ARRDC2: variants seen among roughly 807,000 people sequenced by gnomAD.
ARRDC2 encodes arrestin domain containing 2.
In ARRDC2, 39 loss-of-function variants were observed where a neutral mutation model predicts 38.9. The observed-to-expected ratio is 1.00, with a 90% CI of 0.78 to 1.31. The LOEUF (loss-of-function observed/expected upper bound fraction) is 1.31, where lower values mean the gene tolerates loss of function less well. Ranked by LOEUF, ARRDC2 falls within the 50% of genes most tolerant of loss-of-function variation. The pLI is 0.00. For missense variants in ARRDC2, 553 were observed against 588.4 expected (o/e 0.94, Z 0.62); for synonymous variants, 300 against 261.9 (o/e 1.15, Z -1.41).
At chr19:18,007,608 C>A (rs1047771130), upstream of ARRDC2, 2 of 153,476 alleles carry the variant, frequency 1.3e-5, no homozygotes, top group Non-Finnish European at 2.9e-5. Flanking sequence ...ACTGAGGCTC[C>A]AAGAGGTTGT....
In ARRDC2 at chr19:18,012,978, A is replaced by G. The variant is rs374886462; in HGVS notation, c.*12A>G. 8 of 1,613,284 alleles carry G rather than the reference A, an allele frequency of 5.0e-6. No homozygotes were observed. The African/African-American group carries it at 1.1e-4, about 22-fold the overall frequency. ...GCATGACTTGCTGAACGGCACAGGG[A>G]CCCCTCGAGGAACAAGGTTGCACAC... On this transcript the variant is annotated 3_prime_UTR_variant, in exon 8 of 8. Transcript: ENST00000222250.
In ARRDC2 at chr19:18,012,814, G is replaced by A. The variant is rs2033440122; in HGVS notation, c.1171-99G>A. 8.4e-6 allele frequency: 11 copies of A among 1,302,386 alleles called. 1 individual carries two copies. The South Asian group carries it at 1.4e-4, about 17-fold the overall frequency. 80.7% of individuals were successfully genotyped at this position (1,302,386 alleles called of 1,614,324 possible). A position where few individuals can be genotyped will look rare whatever the true frequency, so the allele number is the denominator to read the frequency against. On this transcript the variant is annotated intron_variant, in intron 7 of 7. Transcript: ENST00000222250. ...ACCACCTCCTGATGGCCTCATCCCTGGTCAAGGGCGGGAGTTGGGAGATGG... is the reference window on the plus strand; with the variant it reads ...ACCACCTCCTGATGGCCTCATCCCTAGTCAAGGGCGGGAGTTGGGAGATGG...
Position 18,008,491 on chromosome 19 carries a change from G to A in ARRDC2, c.181G>A (p.Glu61Lys). Residue 61 changes from glutamate to lysine, a missense_variant, in exon 1 of 8, where the codon GAG becomes AAG. This residue lies in a region of ARRDC2 where 447 missense variants were observed against 456.6 expected (regional missense o/e 0.98). Coordinates refer to ENST00000222250, the MANE Select transcript of ARRDC2 (RefSeq NM_015683.2). ...GGGCCGCGCCCACGTGCACTGGACC[G>A]AGTCGCGCAGCGCGGGCTCGAGCAC... The part of the protein sequence containing the change: ...ARGRAHVHWT[E>K]SRSAGSSTAY... The A allele has an allele frequency of 1.3e-6, 2 of 1,529,178 alleles. No homozygotes were observed. Among genetic ancestry groups the A allele is most frequent in the Non-Finnish European group, 1.7e-6 (2 of 1,144,842 alleles). The allele number at this position is 1,529,178 out of a possible 1,614,324, so 94.7% of individuals were successfully genotyped here. A position where few individuals can be genotyped will look rare whatever the true frequency, so the allele number is the denominator to read the frequency against.
chr19:18,007,858 G>A, upstream of ARRDC2: 1 of 223,270 alleles, frequency 4.5e-6, no homozygotes, highest in South Asian at 5.2e-5. Flanking sequence ...TGATTAAGCC[G>A]AGAGGCTGAA....
chr19:18,004,648 C>T (rs1399512798), upstream of ARRDC2, among the ~76,000 whole-genome samples: 1 of 151,388 alleles, frequency 6.6e-6, no homozygotes, highest in East Asian at 2.0e-4. Context: ...AAGATGGTGC[C>T]ACTGCACTAC....
chr19:18,001,356 G>C, exon 1 of ARRDC2: 1 of 1,195,866 alleles, frequency 8.4e-7, no homozygotes, highest in African/African-American at 1.6e-5. Flanking sequence ...TGGAGCTGGC[G>C]CGGGGCCCGG....
At chr19:18,008,653 G>A in intron 1 of ARRDC2, 58 bp from the exon 2 acceptor site, 5 of 1,605,584 alleles carry the variant, frequency 3.1e-6, no homozygotes, top group East Asian at 2.2e-5. Context: ...CGGTACCTCC[G>A]TCAGCCCTGG....
Position 18,008,725 on chromosome 19 carries a change from A to G in ARRDC2, c.289A>G (p.Thr97Ala). ...TLLAPDTGET[T>A]TLPPGRHEFL... ...CCTACCTGCAGATACCGGGGAGACC[A>G]CGACGCTGCCTCCTGGGCGCCATGA... Residue 97 changes from threonine to alanine, a missense_variant, in exon 2 of 8, where the codon ACG becomes GCG. By Grantham distance (58) the Thr-to-Ala change is moderately conservative. Coordinates refer to ENST00000222250, the MANE Select transcript of ARRDC2 (RefSeq NM_015683.2). 6.2e-7 allele frequency: 1 copy of G among 1,613,446 alleles called. No homozygotes were observed. Among genetic ancestry groups the G allele is most frequent in the Non-Finnish European group, 8.5e-7 (1 of 1,179,994 alleles).
chr19:18,009,746 G>A (rs374974722), intron 4 of ARRDC2, 37 bp from the exon 5 acceptor site: 284 of 1,612,744 alleles, frequency 1.8e-4, no homozygotes, highest in Non-Finnish European at 2.2e-4. Flanking sequence ...TGGGGTTGCA[G>A]GAGGGGAAAC....
chr19:18,001,605 G>A (rs2033188299), intron 1 of ARRDC2: 1 of 1,300,356 alleles, frequency 7.7e-7, no homozygotes. Flanking sequence ...CCCCGCAGCA[G>A]CCGGGACCCC....
At chr19:18,006,633 GGGGAGAGGGAGA>G (rs147340744), upstream of ARRDC2, among the ~76,000 whole-genome samples, 3 of 151,888 alleles carry the variant, frequency 2.0e-5, no homozygotes, top group Admixed American at 6.6e-5. Context: ...GGGAGACCAA[GGGGAGAGGGAGA>G]GGGAGAGGGA....
At chr19:18,011,952 A>ATATATAT (rs1408676551) in intron 7 of ARRDC2, among the ~76,000 whole-genome samples, 1 of 100,750 alleles carries the variant, frequency 9.9e-6, no homozygotes, top group African/African-American at 4.3e-5. Context: ...ATATATATAT[A>ATATATAT]TTTTTTTTTT....
chr19:18,003,479 G>A (rs1475249654), upstream of ARRDC2, among the ~76,000 whole-genome samples: 1 of 150,858 alleles, frequency 6.6e-6, no homozygotes, highest in Admixed American at 6.6e-5. Flanking sequence ...TTCTGAGACA[G>A]AGTCTCACTC....
In ARRDC2 at chr19:18,008,719, G is replaced by A; in HGVS notation, c.283G>A (p.Glu95Lys). The A allele has an allele frequency of 6.2e-7, 1 of 1,613,376 alleles. No homozygotes were observed. The highest frequency in any genetic ancestry group is 8.5e-7 in the Non-Finnish European group (1 of 1,179,994). Residue 95 changes from glutamate (E) to lysine (K), a missense_variant, in exon 2 of 8, where the codon GAG becomes AAG. Glu to Lys is a moderately conservative substitution (Grantham distance 56). Transcript: ENST00000222250. Reference protein sequence around the residue: ...RATLLAPDTGETTTLPPGRHE... With the variant: ...RATLLAPDTGKTTTLPPGRHE... ...TTTTCTCCTACCTGCAGATACCGGG[G>A]AGACCACGACGCTGCCTCCTGGGCG...
At chr19:18,012,050 G>A (rs2033426086) in intron 7 of ARRDC2, among the ~76,000 whole-genome samples, 1 of 143,644 alleles carries the variant, frequency 7.0e-6, no homozygotes, top group East Asian at 2.1e-4. Flanking sequence ...TCCACCTCCC[G>A]GGTTCAAGCA....
chr19:18,009,495 C>T, intron 3 of ARRDC2, 97 bp from the exon 4 acceptor site: 2 of 1,150,322 alleles, frequency 1.7e-6, no homozygotes, highest in East Asian at 2.4e-5. Flanking sequence ...AAGCCCTGCC[C>T]AAAGTCCTCC....
intron 2 of ARRDC2, 95 bp from the exon 3 acceptor site, chr19:18,008,876 C>CT: frequency 1.3e-6 from 2 of 1,595,528 alleles, no homozygotes; most frequent in Non-Finnish European, 1.7e-6. Context: ...CCCCAAGACT[C>CT]TCCCCCTGGG....
chr19:18,007,015 AGGGTGACCGT>A (rs2033293555), upstream of ARRDC2, among the ~76,000 whole-genome samples: 1 of 102,244 alleles, frequency 9.8e-6, no homozygotes, highest in East Asian at 2.8e-4. Context: ...TCACGGGCTG[AGGGTGACCGT>A]GTTTGTTTAT....
At chr19:18,009,510 G>C (rs2033359332) in intron 3 of ARRDC2, 82 bp from the exon 4 acceptor site, 2 of 1,297,438 alleles carry the variant, frequency 1.5e-6, no homozygotes, top group Non-Finnish European at 2.1e-6. Flanking sequence ...TCCTCCCTCA[G>C]CTGGGGGTGG....
Sources: allele counts gnomAD v4.1 joint callset (sites outside exome capture counted in the v4.1 genomes callset), GRCh38; gene constraint gnomAD v4.1.1; regional missense constraint gnomAD v4.1.1; transcripts MANE v1.5; gene names NCBI Gene and HGNC (gene_info 2026-07-23, HGNC 2026-07-21).